The following ARL15 variants were observed in gnomAD, a reference collection of about 807,000 sequenced individuals.
The protein encoded by ARL15 is ARF like GTPase 15.
ARL15 carries 19 observed loss-of-function variants against 25.2 expected under a neutral mutation model. The ratio of observed to expected loss-of-function variants is 0.75; its 90% CI spans 0.53 to 1.10. The LOEUF is 1.10. Ranked by LOEUF, ARL15 falls within the 50% of genes least tolerant of loss-of-function variation. The pLI is 0.00. For synonymous variants in ARL15, 94 were observed against 86.8 expected, an observed-to-expected ratio of 1.08 and a Z score of -0.46; for missense variants, 220 against 246.0, an observed-to-expected ratio of 0.89 and a Z score of 0.71.
chr5:53,977,327 C>T (rs1322464397), intron 4 of ARL15, among the ~76,000 whole-genome samples: 2 of 147,890 alleles, frequency 1.4e-5, no homozygotes, highest in Non-Finnish European at 3.0e-5. Flanking sequence ...TGCACTCCAG[C>T]CTGAGCAACA....
chr5:54,178,487 T>G (rs564169205), intron 1 of ARL15, among the ~76,000 whole-genome samples: 25 of 152,258 alleles, frequency 1.6e-4, no homozygotes, highest in African/African-American at 5.8e-4. Flanking sequence ...GGCCCAAGGG[T>G]GAGGCCAAGG....
intron 4 of ARL15, among the ~76,000 whole-genome samples, chr5:54,027,914 TTC>T (rs1381144174): frequency 6.6e-6 from 1 of 151,950 alleles, no homozygotes; most frequent in Non-Finnish European, 1.5e-5. Flanking sequence ...TAGACAGTAT[TTC>T]TTTCTTTCTT....
chr5:54,300,340 A>G (rs1758584309), intron 1 of ARL15, among the ~76,000 whole-genome samples: 1 of 152,178 alleles, frequency 6.6e-6, no homozygotes, highest in South Asian at 2.1e-4. Flanking sequence ...CATCACATAG[A>G]AAGACCACAT....
At chr5:54,184,263 A>T (rs76628964) in intron 1 of ARL15, among the ~76,000 whole-genome samples, 5 of 6,784 alleles carry the variant, frequency 7.4e-4, no homozygotes, top group African/African-American at 5.6e-3. Context: ...AAAAAAATCA[A>T]AAAAAAAAAA....
At chr5:54,111,810 A>C (rs559445865) in intron 4 of ARL15, among the ~76,000 whole-genome samples, 2 of 152,212 alleles carry the variant, frequency 1.3e-5, no homozygotes, top group African/African-American at 4.8e-5. Context: ...CCTTATAATC[A>C]TAAACTACCC....
intron 1 of ARL15, among the ~76,000 whole-genome samples, chr5:54,192,503 T>C (rs1461236559): frequency 2.0e-5 from 3 of 152,070 alleles, no homozygotes; most frequent in Non-Finnish European, 4.4e-5. Flanking sequence ...TGGAATTCTA[T>C]ATTCTAGCCG....
At chr5:53,926,941 T>C (rs901799318) in intron 4 of ARL15, among the ~76,000 whole-genome samples, 1 of 129,284 alleles carries the variant, frequency 7.7e-6, no homozygotes, top group African/African-American at 2.7e-5. Context: ...CACCAAGACC[T>C]TTTTTTTTAA....
chr5:54,269,475 T>C (rs1339921859), intron 1 of ARL15, among the ~76,000 whole-genome samples: 1 of 152,098 alleles, frequency 6.6e-6, no homozygotes, highest in Non-Finnish European at 1.5e-5. Flanking sequence ...TTTTCTCTTA[T>C]GGACTAAGTT....
At chr5:53,923,010 C>T (rs866645634) in intron 4 of ARL15, among the ~76,000 whole-genome samples, 17 of 152,256 alleles carry the variant, frequency 1.1e-4, no homozygotes, top group African/African-American at 3.6e-4. Flanking sequence ...GACCTATACA[C>T]GCTTTCATTT....
In ARL15 at chr5:54,092,047, A is replaced by AACACACACACACACACACACACACAC. The variant is rs758037549; in HGVS notation, c.462+21129_462+21154dup. Among the ~76,000 whole-genome samples the AACACACACACACACACACACACACAC allele has an allele frequency of 9.7e-4, 142 of 146,306 alleles. 1 individual carries two copies. The highest frequency in any genetic ancestry group is 2.8e-3 in the South Asian group (13 of 4,606). On this transcript the variant is annotated intron_variant, in intron 4 of 4. Coordinates refer to ENST00000504924, the MANE Select transcript of ARL15 (RefSeq NM_019087.3). ...TGGTTAATAGACTGCTCAAATTGAA[A>AACACACACACACACACACACACACAC]ACACACACACACACACACACACACA...
At chr5:54,104,724 G>A (rs1752540437) in intron 4 of ARL15, among the ~76,000 whole-genome samples, 2 of 152,046 alleles carry the variant, frequency 1.3e-5, no homozygotes, top group Admixed American at 1.3e-4. Context: ...CAATGGCTAT[G>A]TTTTCAGAAC....
At chr5:54,223,044 G>C (rs896965244) in intron 1 of ARL15, among the ~76,000 whole-genome samples, 1 of 141,640 alleles carries the variant, frequency 7.1e-6, no homozygotes, top group Admixed American at 7.4e-5. Flanking sequence ...GGCTAGTCTA[G>C]AACTCCTGAC....
intron 4 of ARL15, among the ~76,000 whole-genome samples, chr5:53,899,154 C>T (rs932163353): frequency 2.6e-5 from 4 of 151,680 alleles, no homozygotes; most frequent in Non-Finnish European, 5.9e-5. Context: ...TGAGACCAGC[C>T]TGGCCAACAT....
intron 1 of ARL15, among the ~76,000 whole-genome samples, chr5:54,251,511 T>G (rs1757236084): frequency 6.6e-6 from 1 of 152,330 alleles, no homozygotes; most frequent in East Asian, 1.9e-4. Context: ...GCTGATAAAC[T>G]GTACTGGCAT....
In ARL15 at chr5:54,282,260, A is replaced by G. The variant is rs892545522; in HGVS notation, c.48+28172T>C. The G allele has an allele frequency of 1.4e-5, 14 of 985,378 alleles. No individual in the cohort carries two copies. The African/African-American group carries it at 2.3e-4, about 16-fold the overall frequency. The allele number at this position is 985,378 out of a possible 1,614,324, so 61.0% of individuals were successfully genotyped here. A position where few individuals can be genotyped will look rare whatever the true frequency, so the allele number is the denominator to read the frequency against. ...ACAACATGTGGTACCACAAAAATAT[A>G]CATTGCTTACCGTGTAAATCCCAAT... On this transcript the variant is annotated intron_variant, in intron 1 of 4. Coordinates refer to ENST00000504924, the MANE Select transcript of ARL15 (RefSeq NM_019087.3).
chr5:54,095,555 T>C (rs1752260854), intron 4 of ARL15, among the ~76,000 whole-genome samples: 1 of 152,150 alleles, frequency 6.6e-6, no homozygotes, highest in Non-Finnish European at 1.5e-5. Flanking sequence ...TTTACAGAAA[T>C]GGCTTTAGGT....
intron 3 of ARL15, among the ~76,000 whole-genome samples, chr5:54,147,974 T>G (rs1359983350): frequency 6.6e-6 from 1 of 152,112 alleles, no homozygotes. Flanking sequence ...TGAGAGATGG[T>G]AGTGGGGATC....
At chr5:54,238,852 T>C (rs1000767639) in intron 1 of ARL15, among the ~76,000 whole-genome samples, 2 of 152,244 alleles carry the variant, frequency 1.3e-5, no homozygotes, top group African/African-American at 4.8e-5. Context: ...GGGCCTGATG[T>C]TGACGACTGG....
intron 1 of ARL15, among the ~76,000 whole-genome samples, chr5:54,251,280 T>G (rs1367245062): frequency 6.6e-6 from 1 of 152,204 alleles, no homozygotes; most frequent in Non-Finnish European, 1.5e-5. Context: ...TGAACTTTAG[T>G]GCAAAGAAAG....
Sources: gnomAD v4.1 joint callset for allele counts (sites outside exome capture counted in the v4.1 genomes callset) on GRCh38, gnomAD v4.1.1 for gene constraint, MANE v1.5 for transcripts, NCBI Gene and HGNC (gene_info 2026-07-23, HGNC 2026-07-21) for gene names.